Variants in GALNT10 observed in about 807,000 individuals in gnomAD.
The protein encoded by GALNT10 is GalNAc transferase 10.
In GALNT10, 41 loss-of-function variants were observed where a neutral mutation model predicts 75.0. The observed-to-expected ratio is 0.55, with a 90% CI of 0.43 to 0.71. GALNT10 has a LOEUF of 0.71. GALNT10 is among the 30% of genes least tolerant of loss of function. GALNT10 has a pLI of 0.00. For synonymous variants in GALNT10, 302 were observed against 313.0 expected (o/e 0.96, Z 0.37); for missense variants, 727 against 818.5 (o/e 0.89, Z 1.36).
intron 4 of GALNT10, among the ~76,000 whole-genome samples, chr5:154,353,808 G>C (rs187510842): frequency 1.3e-5 from 2 of 152,296 alleles, no homozygotes; most frequent in African/African-American, 4.8e-5. Flanking sequence ...CCCCTCCTCT[G>C]TGATGCCTTC....
At chr5:154,351,126 T>A (rs1321910825) in intron 4 of GALNT10, among the ~76,000 whole-genome samples, 9 of 152,262 alleles carry the variant, frequency 5.9e-5, no homozygotes, top group African/African-American at 1.9e-4. Context: ...ATTTGTATAA[T>A]GTGACAAGTG....
Position 154,190,925 on chromosome 5 carries a change from T to G in GALNT10, c.59T>G (p.Val20Gly). 5 of 1,499,392 alleles carry G rather than the reference T, an allele frequency of 3.3e-6. No individual in the cohort carries two copies. The highest frequency in any genetic ancestry group is 1.2e-5 in the South Asian group (1 of 80,598). The allele number at this position is 1,499,392 out of a possible 1,614,324, so 92.9% of individuals were successfully genotyped here. A position where few individuals can be genotyped will look rare whatever the true frequency, so the allele number is the denominator to read the frequency against. The change falls in exon 1 of 12, where the codon GTC becomes GGC. Residue 20 changes from valine to glycine, a missense_variant. By Grantham distance (109) the Val-to-Gly change is moderately radical. Transcript: ENST00000297107. Reference sequence around the variant, plus strand: ...GTGGCGCTGGTGCTGGCGGCCCTGGTCCTCCTGCCCAACGTGGGGCTTTGG... The same window carrying G: ...GTGGCGCTGGTGCTGGCGGCCCTGGGCCTCCTGCCCAACGTGGGGCTTTGG... ...QAVALVLAAL[V>G]LLPNVGLWAL...
chr5:154,219,599 G>A (rs1469136311), intron 1 of GALNT10: 1 of 152,180 alleles, frequency 6.6e-6, no homozygotes, highest in Non-Finnish European at 1.5e-5. Flanking sequence ...CCCAGCCAAC[G>A]GCTTCGGCTT....
rs1417123114 is a variant in GALNT10, at chr5:154,409,401, A to G, written c.1165-140A>G. On this transcript the variant is annotated intron_variant, in intron 8 of 11. Transcript: ENST00000297107. The surrounding 1 kb of genome is among the most constrained non-coding windows in gnomAD (Gnocchi z 4.5). ...TGATAAATAGAAACACAGAAGGCCT[A>G]AACTCACGGTGGGGCTGGGATTTTT... 1 of 743,732 alleles carries G rather than the reference A, an allele frequency of 1.3e-6. No homozygotes were observed. Among genetic ancestry groups the G allele is most frequent in the Non-Finnish European group, 2.5e-6 (1 of 404,008 alleles). The allele number at this position is 743,732 out of a possible 1,614,324, so 46.1% of individuals were successfully genotyped here.
chr5:154,378,357 A>C (rs1368213897), intron 5 of GALNT10, among the ~76,000 whole-genome samples: 2 of 152,248 alleles, frequency 1.3e-5, no homozygotes, highest in East Asian at 3.9e-4. Context: ...CACGGCTCTC[A>C]TAACCCCTTC....
chr5:154,203,025 C>G (rs1775051682), intron 1 of GALNT10, among the ~76,000 whole-genome samples: 1 of 152,268 alleles, frequency 6.6e-6, no homozygotes, highest in African/African-American at 2.4e-5. Flanking sequence ...AGTGCCAAGC[C>G]AGAGGTATTA....
intron 1 of GALNT10, among the ~76,000 whole-genome samples, chr5:154,224,710 A>T (rs959445779): frequency 6.6e-6 from 1 of 152,002 alleles, no homozygotes; most frequent in East Asian, 1.9e-4. Context: ...TATGTGCCAG[A>T]CATTGTGGTA....
intron 7 of GALNT10, among the ~76,000 whole-genome samples, chr5:154,400,127 G>C (rs1179314873): frequency 1.3e-5 from 2 of 152,164 alleles, no homozygotes; most frequent in Non-Finnish European, 2.9e-5. Context: ...GACAGAGGGA[G>C]ACCCTGTCTC....
At chr5:154,197,789 GTTAAATA>G (rs1464625861) in intron 1 of GALNT10, among the ~76,000 whole-genome samples, 1 of 152,178 alleles carries the variant, frequency 6.6e-6, no homozygotes, top group Non-Finnish European at 1.5e-5. Context: ...CTGTACATCT[GTTAAATA>G]TTGTTGTAAC....
At chr5:154,294,750 T>A (rs1754247841) in intron 1 of GALNT10, 66 bp from the exon 2 acceptor site, 1 of 848,752 alleles carries the variant, frequency 1.2e-6, no homozygotes, top group African/African-American at 1.7e-5. Context: ...TTAGGCAGTG[T>A]AACTCCTGGG....
intron 8 of GALNT10, among the ~76,000 whole-genome samples, chr5:154,405,380 G>A (rs994228962): frequency 1.2e-4 from 18 of 152,196 alleles, no homozygotes; most frequent in Non-Finnish European, 2.6e-4. Context: ...AGCCGGCAGT[G>A]CCCTCCAGTG....
At chr5:154,399,051 C>T (rs1256561973) in intron 7 of GALNT10, among the ~76,000 whole-genome samples, 1 of 152,190 alleles carries the variant, frequency 6.6e-6, no homozygotes, top group Admixed American at 6.5e-5. Flanking sequence ...ATCTCAACAG[C>T]CATCATCATC....
At chr5:154,205,781 ATGC>A in intron 1 of GALNT10, among the ~76,000 whole-genome samples, 1 of 152,316 alleles carries the variant, frequency 6.6e-6, no homozygotes, top group South Asian at 2.1e-4. Context: ...GACTGGAGTG[ATGC>A]TGCCCTAAGC....
chr5:154,291,596 C>T (rs939589695), intron 1 of GALNT10, among the ~76,000 whole-genome samples: 1 of 152,182 alleles, frequency 6.6e-6, no homozygotes, highest in Non-Finnish European at 1.5e-5. Flanking sequence ...GGTTTTATTT[C>T]ATCCTAGCAG....
chr5:154,216,017 C>G (rs935598770), intron 1 of GALNT10, among the ~76,000 whole-genome samples: 1 of 152,124 alleles, frequency 6.6e-6, no homozygotes, highest in Non-Finnish European at 1.5e-5. Context: ...CTCTCTTTCC[C>G]CTCTGAAGTG....
intron 1 of GALNT10, among the ~76,000 whole-genome samples, chr5:154,197,103 T>G (rs766463553): frequency 2.6e-5 from 4 of 152,160 alleles, no homozygotes; most frequent in African/African-American, 9.7e-5. Flanking sequence ...GATGATTAGC[T>G]GTGTGGACCT....
intron 1 of GALNT10, among the ~76,000 whole-genome samples, chr5:154,223,670 A>G (rs1753019097): frequency 6.6e-6 from 1 of 151,980 alleles, no homozygotes; most frequent in African/African-American, 2.4e-5. Flanking sequence ...CTGTAATCCC[A>G]GCACTGTGGG....
intron 1 of GALNT10, among the ~76,000 whole-genome samples, chr5:154,277,989 A>C (rs1753976441): frequency 6.6e-6 from 1 of 152,220 alleles, no homozygotes; most frequent in South Asian, 2.1e-4. Flanking sequence ...AAGGCCAAAA[A>C]AATAGTAATT....
intron 3 of GALNT10, among the ~76,000 whole-genome samples, chr5:154,320,413 T>C (rs1419558271): frequency 6.6e-6 from 1 of 152,232 alleles, no homozygotes; most frequent in Non-Finnish European, 1.5e-5. Flanking sequence ...GGCTTTCTGC[T>C]GTGTAATAGC....
Sources: gnomAD v4.1 joint callset for allele counts (sites outside exome capture counted in the v4.1 genomes callset) on GRCh38, gnomAD v4.1.1 for gene constraint, Gnocchi (gnomAD v3.1) non-coding constraint, MANE v1.5 for transcripts, NCBI Gene and HGNC (gene_info 2026-07-23, HGNC 2026-07-21) for gene names.